KANSL1: variants seen among roughly 807,000 people sequenced by gnomAD.
KANSL1 encodes KAT8 regulatory NSL complex subunit 1, also known as MLL1/MLL complex subunit KANSL1.
A neutral mutation model predicts 103.6 loss-of-function variants in KANSL1; 22 were observed. That is an observed-to-expected ratio of 0.21 (90% confidence interval 0.15 to 0.30). KANSL1 has a LOEUF of 0.30. KANSL1 is among the 10% of genes least tolerant of loss of function. The probability of loss-of-function intolerance (pLI) is 1.00; values close to 1 mark genes in which losing one functional copy is unlikely to be tolerated. For missense variants in KANSL1, 1,337 were observed against 1,399.8 expected (o/e 0.96, Z 0.72); for synonymous variants, 600 against 527.6 (o/e 1.14, Z -1.88).
intron 2 of KANSL1, among the ~76,000 whole-genome samples, chr17:46,116,476 G>A (rs940866255): frequency 1.3e-5 from 2 of 152,204 alleles, no homozygotes; most frequent in Non-Finnish European, 2.9e-5. Context: ...CTTGCAGTGA[G>A]CCGAGATGGC....
chr17:46,092,620 T>C (rs567214791), intron 3 of KANSL1, among the ~76,000 whole-genome samples: 2 of 150,310 alleles, frequency 1.3e-5, no homozygotes, highest in South Asian at 2.1e-4. Context: ...ATACGTAACA[T>C]GACTGTATTT....
At chr17:46,111,055 T>C (rs2147104083) in intron 2 of KANSL1, among the ~76,000 whole-genome samples, 1 of 152,374 alleles carries the variant, frequency 6.6e-6, no homozygotes. Context: ...ATCATAATTG[T>C]AGTTTTTTTC....
At position 46,059,610 on chromosome 17, in the gene KANSL1, G is replaced by A. The variant is rs1349042813; in HGVS notation, c.1848+6927C>T. 1.1e-4 allele frequency among the ~76,000 whole-genome samples: 15 copies of A among 133,002 alleles called. 1 individual carries two copies. Among genetic ancestry groups the A allele is most frequent in the Admixed American group, 3.3e-4 (4 of 12,130 alleles). The allele number at this position is 133,002 out of a possible 152,430, so 87.3% of individuals were successfully genotyped here. A position where few individuals can be genotyped will look rare whatever the true frequency, so the allele number is the denominator to read the frequency against. On this transcript the variant is annotated intron_variant, in intron 6 of 14. Transcript: ENST00000432791. ...TGCACTTCAGCCTGGGTGACAGAGC[G>A]AGGCGAGGCTCTGACTCCAAAAAAA... is the stretch of plus-strand genomic sequence containing the variant.
At chr17:46,048,051 G>A (rs992215033) in intron 7 of KANSL1, among the ~76,000 whole-genome samples, 13 of 151,832 alleles carry the variant, frequency 8.6e-5, no homozygotes, top group African/African-American at 2.9e-4. Context: ...GGGACGACAG[G>A]CGTGTGCCAC....
At chr17:46,078,651 T>G (rs529706759) in intron 4 of KANSL1, among the ~76,000 whole-genome samples, 2 of 152,368 alleles carry the variant, frequency 1.3e-5, no homozygotes, top group East Asian at 3.9e-4. Context: ...GGCAATACTT[T>G]CTGTCTGAAA....
chr17:46,073,880 G>A (rs376698313), intron 4 of KANSL1, among the ~76,000 whole-genome samples: 20 of 152,054 alleles, frequency 1.3e-4, no homozygotes, highest in African/African-American at 4.1e-4. Flanking sequence ...GAGACTATAC[G>A]GGTACTAGGA....
chr17:46,210,314 A>G (rs564219813), intron 1 of KANSL1, among the ~76,000 whole-genome samples: 16 of 152,170 alleles, frequency 1.1e-4, no homozygotes, highest in African/African-American at 3.9e-4. Context: ...CTCTACTAAA[A>G]ATACAAAAAT....
intron 3 of KANSL1, among the ~76,000 whole-genome samples, chr17:46,089,862 G>A (rs1326603813): frequency 1.3e-5 from 2 of 152,184 alleles, no homozygotes; most frequent in African/African-American, 4.8e-5. Flanking sequence ...TATCACAAGT[G>A]CTCAAAAACT....
At chr17:46,097,440 T>C (rs926307473) in intron 2 of KANSL1, among the ~76,000 whole-genome samples, 3 of 152,204 alleles carry the variant, frequency 2.0e-5, no homozygotes, top group Non-Finnish European at 4.4e-5. Flanking sequence ...TACAGATAAC[T>C]GATGAATATA....
At chr17:46,162,535 A>G (rs2045795359) in intron 2 of KANSL1, among the ~76,000 whole-genome samples, 1 of 152,218 alleles carries the variant, frequency 6.6e-6, no homozygotes, top group Admixed American at 6.5e-5. Context: ...CCTGCCAAAC[A>G]AAAATCTGGG....
intron 4 of KANSL1, among the ~76,000 whole-genome samples, chr17:46,070,992 G>T (rs1178455278): frequency 1.3e-5 from 2 of 152,208 alleles, no homozygotes; most frequent in African/African-American, 4.8e-5. Context: ...GTCTAAAGAA[G>T]AATATGTCAA....
At position 46,034,593 on chromosome 17, in the gene KANSL1, C is replaced by T. The variant is rs16940834; in HGVS notation, c.2542-308G>A. 7,409 of 340,458 alleles carry T rather than the reference C, an allele frequency of 0.022. 543 individuals carry two copies. The highest frequency in any genetic ancestry group is 0.15 in the African/African-American group (6,885 of 45,182). 21.1% of individuals were successfully genotyped at this position (340,458 alleles called of 1,614,324 possible). A position where few individuals can be genotyped will look rare whatever the true frequency, so the allele number is the denominator to read the frequency against. ...CCTGGGATCTTAACTGTTGGGGTTCCTACTCTATATACACCTCTATTAACC... is the reference window on the plus strand; with the variant it reads ...CCTGGGATCTTAACTGTTGGGGTTCTTACTCTATATACACCTCTATTAACC... On this transcript the variant is annotated intron_variant, in intron 10 of 14. Coordinates refer to ENST00000432791, the MANE Select transcript of KANSL1 (RefSeq NM_015443.4).
At chr17:46,152,646 T>C (rs2147508228) in intron 2 of KANSL1, among the ~76,000 whole-genome samples, 1 of 151,736 alleles carries the variant, frequency 6.6e-6, no homozygotes, top group South Asian at 2.1e-4. Flanking sequence ...AGAGCAGGTG[T>C]CAGACTGACA....
At chr17:46,055,323 G>A (rs998547120) in intron 6 of KANSL1, among the ~76,000 whole-genome samples, 3 of 151,816 alleles carry the variant, frequency 2.0e-5, no homozygotes, top group Non-Finnish European at 4.4e-5. Context: ...AAATTAGCCG[G>A]GCATGGTGGC....
intron 2 of KANSL1, among the ~76,000 whole-genome samples, chr17:46,137,269 C>T (rs183695280): frequency 1.5e-3 from 233 of 152,352 alleles, no homozygotes; most frequent in African/African-American, 5.5e-3. Flanking sequence ...CAAAATAATA[C>T]TTCATGCTAA....
At chr17:46,146,461 A>T (rs1170928879) in intron 2 of KANSL1, among the ~76,000 whole-genome samples, 4 of 152,182 alleles carry the variant, frequency 2.6e-5, no homozygotes, top group African/African-American at 9.7e-5. Context: ...TGAAAAAAAA[A>T]ATTTTTTTTG....
rs373345365 is a variant in KANSL1, at chr17:46,048,485, T to C, written c.2020+2048A>G. Among the ~76,000 whole-genome samples the C allele has an allele frequency of 2.0e-5, 3 of 151,992 alleles. No homozygotes were observed. The East Asian group carries it at 5.8e-4, about 30-fold the overall frequency. ...CTTGGGAGGCTGAGACAAAACTGCT[T>C]GAACCCAGGAGGTGGGGGCTGCAGT... is the stretch of plus-strand genomic sequence containing the variant. On this transcript the variant is annotated intron_variant, in intron 7 of 14. Coordinates refer to ENST00000432791, the MANE Select transcript of KANSL1 (RefSeq NM_015443.4).
chr17:46,180,247 G>A (rs1046792131), intron 1 of KANSL1, among the ~76,000 whole-genome samples: 2 of 152,054 alleles, frequency 1.3e-5, no homozygotes, highest in South Asian at 2.1e-4. Flanking sequence ...TGCAATCCCC[G>A]CACTTTGGGA....
At chr17:46,175,310 CTGTG>C (rs71138529) in intron 1 of KANSL1, among the ~76,000 whole-genome samples, 23,322 of 137,194 alleles carry the variant, frequency 0.17, 1,901 homozygotes, top group East Asian at 0.34. Context: ...TGTCTTATTG[CTGTG>C]TGTGTGTGTG....
Sources: allele counts gnomAD v4.1 joint callset (sites outside exome capture counted in the v4.1 genomes callset), GRCh38; gene constraint gnomAD v4.1.1; transcripts MANE v1.5; gene names NCBI Gene and HGNC (gene_info 2026-07-23, HGNC 2026-07-21).